The following DTNB variants were observed in gnomAD, a reference collection of about 807,000 sequenced individuals.
DTNB encodes DTN-B.
DTNB carries 63 observed loss-of-function variants against 90.7 expected under a neutral mutation model. The observed-to-expected ratio is 0.69, with a 90% CI of 0.57 to 0.86. The LOEUF (loss-of-function observed/expected upper bound fraction) is 0.86, where lower values mean the gene tolerates loss of function less well. Among genes scored for constraint, DTNB ranks in the 40% least tolerant of loss-of-function variants. The pLI is 0.00. For synonymous variants in DTNB, 277 were observed against 286.7 expected (o/e 0.97, Z 0.34); for missense variants, 744 against 807.1 (o/e 0.92, Z 0.95).
At chr2:25,647,801 T>C (rs1027404567) in intron 2 of DTNB, among the ~76,000 whole-genome samples, 1 of 150,610 alleles carries the variant, frequency 6.6e-6, no homozygotes, top group African/African-American at 2.4e-5. Flanking sequence ...GAACTGATTA[T>C]GAAAAATAGT....
At chr2:25,405,295 C>A (rs2044816073) in intron 16 of DTNB, among the ~76,000 whole-genome samples, 1 of 152,130 alleles carries the variant, frequency 6.6e-6, no homozygotes, top group Non-Finnish European at 1.5e-5. Context: ...AATTCTGGCA[C>A]TTTGGGAGGC....
chr2:25,444,202 C>T (rs2058031542), intron 12 of DTNB, among the ~76,000 whole-genome samples: 1 of 152,108 alleles, frequency 6.6e-6, no homozygotes, highest in Non-Finnish European at 1.5e-5. Flanking sequence ...ATTACGACTA[C>T]AATTTACCAC....
chr2:25,664,152 G>C (rs573968805), intron 1 of DTNB, among the ~76,000 whole-genome samples: 1 of 152,268 alleles, frequency 6.6e-6, no homozygotes, highest in Admixed American at 6.5e-5. Context: ...AGTATTTTTA[G>C]TAATTCTAAG....
intron 7 of DTNB, among the ~76,000 whole-genome samples, chr2:25,579,160 T>C (rs905364515): frequency 1.3e-5 from 2 of 152,194 alleles, no homozygotes; most frequent in Non-Finnish European, 2.9e-5. Flanking sequence ...CAAAATGATC[T>C]TATGAAAATC....
chr2:25,384,706 G>A (rs2038967355), intron 18 of DTNB, among the ~76,000 whole-genome samples: 1 of 152,160 alleles, frequency 6.6e-6, no homozygotes, highest in African/African-American at 2.4e-5. Context: ...AGCTTGAGAG[G>A]ACAGGGATAA....
intron 8 of DTNB, among the ~76,000 whole-genome samples, chr2:25,542,670 T>C (rs901332482): frequency 6.6e-6 from 1 of 152,242 alleles, no homozygotes; most frequent in African/African-American, 2.4e-5. Context: ...TTTGTGTAAA[T>C]ATATTGAGCA....
chr2:25,378,949 C>T (rs983880932), intron 20 of DTNB, among the ~76,000 whole-genome samples: 1 of 152,174 alleles, frequency 6.6e-6, no homozygotes, highest in African/African-American at 2.4e-5. Flanking sequence ...GGGAAAGGAG[C>T]ATGGGAGGCA....
chr2:25,637,398 A>G (rs1032097110), intron 3 of DTNB, among the ~76,000 whole-genome samples: 1 of 152,264 alleles, frequency 6.6e-6, no homozygotes, highest in Non-Finnish European at 1.5e-5. Flanking sequence ...CAGCAAAAGA[A>G]GCTACCATCA....
intron 6 of DTNB, among the ~76,000 whole-genome samples, chr2:25,590,426 G>C (rs1277319934): frequency 6.6e-6 from 1 of 152,176 alleles, no homozygotes; most frequent in Non-Finnish European, 1.5e-5. Flanking sequence ...GCAATGGGTA[G>C]CTCCTCTCCA....
At chr2:25,433,302 G>A (rs1359776448) in intron 13 of DTNB, among the ~76,000 whole-genome samples, 3 of 152,178 alleles carry the variant, frequency 2.0e-5, no homozygotes, top group Non-Finnish European at 2.9e-5. Flanking sequence ...ACTCAGGCAG[G>A]AGGAAAAGGG....
At chr2:25,427,658 TAA>T in intron 14 of DTNB, 27 bp from the exon 15 acceptor site, 1 of 1,606,512 alleles carries the variant, frequency 6.2e-7, no homozygotes, top group East Asian at 2.2e-5. Flanking sequence ...GCCTATCAGA[TAA>T]AGAGACCCTC....
chr2:25,662,687 C>CACAA (rs1553662378), intron 1 of DTNB, among the ~76,000 whole-genome samples: 1 of 104,996 alleles, frequency 9.5e-6, no homozygotes, highest in African/African-American at 2.9e-5. Context: ...CACAAACACA[C>CACAA]ACACACACAC....
intron 3 of DTNB, among the ~76,000 whole-genome samples, chr2:25,635,230 C>T (rs11897088): frequency 0.44 from 66,710 of 151,520 alleles, 15,806 homozygotes; most frequent in East Asian, 0.77. Context: ...GCCAGGAGTT[C>T]GAGACCAGCC....
intron 16 of DTNB, among the ~76,000 whole-genome samples, chr2:25,390,725 G>A (rs2040861335): frequency 6.6e-6 from 1 of 152,164 alleles, no homozygotes; most frequent in East Asian, 1.9e-4. Context: ...AGGATTACAG[G>A]TGTGAGCCAC....
chr2:25,553,341 A>C (rs191970891), intron 8 of DTNB, among the ~76,000 whole-genome samples: 151 of 152,346 alleles, frequency 9.9e-4, no homozygotes, highest in African/African-American at 3.4e-3. Context: ...CTCCAGTTTA[A>C]CTGGTAAGCT....
intron 8 of DTNB, among the ~76,000 whole-genome samples, chr2:25,561,697 C>A (rs1003163706): frequency 6.6e-6 from 1 of 152,170 alleles, no homozygotes; most frequent in Non-Finnish European, 1.5e-5. Flanking sequence ...TCCTCTCCCC[C>A]TCTTGCCCCT....
chr2:25,418,560 G>A (rs531415898), intron 16 of DTNB, among the ~76,000 whole-genome samples: 2 of 152,066 alleles, frequency 1.3e-5, no homozygotes, highest in African/African-American at 4.8e-5. Context: ...TTAGCTGGGT[G>A]TGGTGGTGCG....
At chr2:25,527,873 TATGAA>T (rs2077459988) in intron 9 of DTNB, among the ~76,000 whole-genome samples, 1 of 151,910 alleles carries the variant, frequency 6.6e-6, no homozygotes, top group Non-Finnish European at 1.5e-5. Flanking sequence ...CTTCCAAAAA[TATGAA>T]AAGAGAGAAT....
At chr2:25,480,126 T>C (rs551274980) in intron 10 of DTNB, among the ~76,000 whole-genome samples, 2 of 152,310 alleles carry the variant, frequency 1.3e-5, no homozygotes, top group Admixed American at 6.5e-5. Flanking sequence ...AGTATCCACA[T>C]GGTATATCAC....
Sources: allele counts gnomAD v4.1 joint callset (sites outside exome capture counted in the v4.1 genomes callset), GRCh38; gene constraint gnomAD v4.1.1; transcripts MANE v1.5; gene names NCBI Gene and HGNC (gene_info 2026-07-23, HGNC 2026-07-21).